The following HECTD4 variants were observed in gnomAD, a reference collection of about 807,000 sequenced individuals.
The protein encoded by HECTD4 is HECT domain E3 ubiquitin protein ligase 4.
A neutral mutation model predicts 471.5 loss-of-function variants in HECTD4; 114 were observed. The ratio of observed to expected loss-of-function variants is 0.24; its 90% CI spans 0.21 to 0.28. The LOEUF is 0.28. HECTD4 is among the 10% of genes least tolerant of loss of function. The pLI is 1.00. For missense variants in HECTD4, 3,866 were observed against 5,651.5 expected (o/e 0.68, Z 10.13); for synonymous variants, 2,012 against 2,256.0 (o/e 0.89, Z 3.07).
At position 112,279,326 on chromosome 12, in the gene HECTD4, C is replaced by A. The variant is rs775161365; in HGVS notation, c.1589G>T (p.Gly530Val). ...AGGCACCAGCATCACCAAGTAGGTG[C>A]CACAGGTATATATGGGTGTCTTCCG... ...MLRKTPIYTC[G>V]TYLVMLVPPP... Residue 530 changes from glycine to valine, a missense_variant, in exon 9 of 76, where the codon GGC (glycine) becomes GTC (valine). Gly to Val is a moderately radical substitution (Grantham distance 109). Transcript: ENST00000682272. 6.2e-7 allele frequency: 1 copy of A among 1,613,250 alleles called. No homozygotes were observed.
At chr12:112,222,559 C>T (rs978520404) in intron 44 of HECTD4, among the ~76,000 whole-genome samples, 1 of 152,112 alleles carries the variant, frequency 6.6e-6, no homozygotes, top group Non-Finnish European at 1.5e-5. Flanking sequence ...CCTAGCTACT[C>T]GGTAGGCTGA....
At chr12:112,197,127 G>A (rs1477460016) in intron 55 of HECTD4, among the ~76,000 whole-genome samples, 1 of 151,916 alleles carries the variant, frequency 6.6e-6, no homozygotes, top group Admixed American at 6.6e-5. Context: ...GCCCAGACTA[G>A]TCTTGAACTC....
chr12:112,270,563 T>C, intron 11 of HECTD4, 104 bp from the exon 12 acceptor site: 1 of 922,162 alleles, frequency 1.1e-6, no homozygotes, highest in Non-Finnish European at 1.7e-6. Context: ...TAGAAAAGGA[T>C]ATTTTGGCTA....
At chr12:112,306,310 G>T in intron 6 of HECTD4, 76 bp from the exon 7 acceptor site, 1 of 1,171,908 alleles carries the variant, frequency 8.5e-7, no homozygotes, top group Non-Finnish European at 1.1e-6. Context: ...CATCATTAAT[G>T]CCATTATGCC....
In HECTD4 at chr12:112,306,104, G is replaced by A. The variant is rs545926858; in HGVS notation, c.1295C>T (p.Pro432Leu). ...GTCCATGAAGACAGAATGTCCCTTC[G>A]GTGTTTTCTCATTCAGGCTGGCAGG... ...WSPASLNEKT[P>L]KGHSVFMDIF... Residue 432 changes from proline to leucine, a missense_variant, in exon 7 of 76, where the codon CCG (proline) becomes CTG (leucine). Physicochemically the swap from Pro to Leu is moderately conservative, Grantham distance 98. Transcript: ENST00000682272. 13 of 1,612,384 alleles carry A rather than the reference G, an allele frequency of 8.1e-6. No homozygotes were observed. Among genetic ancestry groups the A allele is most frequent in the African/African-American group, 8.0e-5 (6 of 74,936 alleles).
At chr12:112,351,138 C>A (rs978749143) in intron 1 of HECTD4, among the ~76,000 whole-genome samples, 1 of 152,126 alleles carries the variant, frequency 6.6e-6, no homozygotes, top group Admixed American at 6.6e-5. Context: ...AGATCTGTAC[C>A]TAGCTTTCTG....
At chr12:112,328,909 A>C (rs2035796424) in intron 1 of HECTD4, among the ~76,000 whole-genome samples, 1 of 152,234 alleles carries the variant, frequency 6.6e-6, no homozygotes. Flanking sequence ...GTTTTGGCTA[A>C]GCCCTGCAAA....
At chr12:112,176,528 C>CG (rs2031454950) in intron 65 of HECTD4, 68 bp downstream of exon 65, 5 of 1,112,694 alleles carry the variant, frequency 4.5e-6, no homozygotes, top group African/African-American at 3.1e-5. Flanking sequence ...GCCTGCTCCT[C>CG]GGGGGGTGCC....
chr12:112,252,675 TTCCCTC>T, intron 22 of HECTD4, 147 bp from the exon 23 acceptor site: 1 of 918,826 alleles, frequency 1.1e-6, no homozygotes, highest in Non-Finnish European at 1.6e-6. Context: ...TCAAATTCTA[TTCCCTC>T]TCATTTAGAC....
Position 112,184,693 on chromosome 12 carries a change from C to A in HECTD4, c.10273G>T (p.Gly3425Cys). The change falls in exon 61 of 76, where the codon GGC (glycine) becomes TGC (cysteine). Residue 3425 changes from glycine to cysteine, a missense_variant. Physicochemically the swap from Gly to Cys is radical, Grantham distance 159. Coordinates refer to ENST00000682272, the MANE Select transcript of HECTD4 (RefSeq NM_001388303.1). This position sits in a 1 kb window ranked among gnomAD's most constrained non-coding sequence, Gnocchi z 9.1. ...GAIRKACNAH[G>C]GVFKDEIYIP... ...TAGATCTCGTCTTTGAAGACCCCGCCGTGGGCGTTGCAGGCCTTGCGGATG... is the reference window on the plus strand; with the variant it reads ...TAGATCTCGTCTTTGAAGACCCCGCAGTGGGCGTTGCAGGCCTTGCGGATG... The A allele has an allele frequency of 6.2e-7, 1 of 1,607,714 alleles. No individual in the cohort carries two copies. The highest frequency in any genetic ancestry group is 8.5e-7 in the Non-Finnish European group (1 of 1,177,366).
intron 7 of HECTD4, among the ~76,000 whole-genome samples, chr12:112,287,434 G>A (rs1462583183): frequency 1.3e-5 from 2 of 152,166 alleles, no homozygotes; most frequent in African/African-American, 4.8e-5. Context: ...AGGGAGAAGA[G>A]GGGAAGACTC....
Position 112,185,210 on chromosome 12 carries a change from C to T in HECTD4, c.9756G>A (p.Thr3252=), listed in dbSNP as rs1284635697. The change falls in exon 61 of 76, where the codon ACG becomes ACA. Residue 3252 remains threonine (T), a synonymous_variant. Coordinates refer to ENST00000682272, the MANE Select transcript of HECTD4 (RefSeq NM_001388303.1). ...AAAGDQGRFS[T]YFHALMEGCL... ...ACCCTTCCATGAGTGCATGAAAATA[C>T]GTAGAGAACCTGCCCTGGTCACCGG... 5 of 1,551,316 alleles carry T rather than the reference C, an allele frequency of 3.2e-6. No individual in the cohort carries two copies. In the African/African-American group the frequency reaches 4.1e-5, roughly 13 times the overall value.
At chr12:112,182,099 A>C (rs940404330) in intron 62 of HECTD4, among the ~76,000 whole-genome samples, 1 of 151,936 alleles carries the variant, frequency 6.6e-6, no homozygotes, top group Admixed American at 6.6e-5. Flanking sequence ...TCTTAAAAAA[A>C]AAAAGATTAC....
chr12:112,274,783 C>T, intron 10 of HECTD4, 64 bp downstream of exon 10: 1 of 956,964 alleles, frequency 1.0e-6, no homozygotes, highest in Non-Finnish European at 1.6e-6. Context: ...ACTGGCAAGA[C>T]AGTTCAAGAG....
chr12:112,264,543 C>T (rs1482487104), intron 16 of HECTD4, among the ~76,000 whole-genome samples: 2 of 152,034 alleles, frequency 1.3e-5, no homozygotes, highest in Non-Finnish European at 2.9e-5. Context: ...TCTTTTGATT[C>T]CTATTGGTCT....
At position 112,292,838 on chromosome 12, in the gene HECTD4, T is replaced by C. The variant is rs550559205; in HGVS notation, c.1336-9536A>G. On this transcript the variant is annotated intron_variant, in intron 7 of 75. Coordinates refer to ENST00000682272, the MANE Select transcript of HECTD4 (RefSeq NM_001388303.1). ...GAGTTTGAGACCATCCTGGGCAACA[T>C]AGTGAAACCCCGTCCCTACTAAAAA... Among the ~76,000 whole-genome samples the C allele has an allele frequency of 3.9e-5, 6 of 152,000 alleles. No homozygotes were observed. In the South Asian group the frequency reaches 6.3e-4, roughly 16 times the overall value.
chr12:112,236,920 G>A, intron 35 of HECTD4, 25 bp downstream of exon 35: 2 of 1,515,356 alleles, frequency 1.3e-6, no homozygotes, highest in Non-Finnish European at 1.8e-6. Context: ...GCTTCTCCCA[G>A]AGCTCCAGGC....
chr12:112,276,479 C>T lies in HECTD4; in HGVS notation c.1688-1519G>A, dbSNP rs984139285. On this transcript the variant is annotated intron_variant, in intron 9 of 75. Coordinates refer to ENST00000682272, the MANE Select transcript of HECTD4 (RefSeq NM_001388303.1). ...ATTTATTTATTTAGAGACAGAATCT[C>T]GCTCTGTCGCCAGGCTGGAGTGCAG... Among the ~76,000 whole-genome samples the T allele has an allele frequency of 5.9e-5, 9 of 152,272 alleles. No individual in the cohort carries two copies. In the East Asian group the frequency reaches 1.2e-3, roughly 20 times the overall value.
chr12:112,217,910 G>A (rs575728273), intron 45 of HECTD4, among the ~76,000 whole-genome samples: 43 of 152,084 alleles, frequency 2.8e-4, no homozygotes, highest in African/African-American at 9.4e-4. Context: ...TGCTTTCTCA[G>A]TTTTATTTTT....
Sources: gnomAD v4.1 joint callset for allele counts (sites outside exome capture counted in the v4.1 genomes callset) on GRCh38, gnomAD v4.1.1 for gene constraint, Gnocchi (gnomAD v3.1) non-coding constraint, MANE v1.5 for transcripts, NCBI Gene and HGNC (gene_info 2026-07-23, HGNC 2026-07-21) for gene names.